The following UBE2E3 variants were observed in gnomAD, a reference collection of about 807,000 sequenced individuals.
UBE2E3 encodes ubiquitin-conjugating enzyme E2 E3.
UBE2E3 carries 5 observed loss-of-function variants against 23.6 expected under a neutral mutation model. The observed-to-expected ratio is 0.21, with a 90% CI of 0.11 to 0.44. The LOEUF is 0.44. Among genes scored for constraint, UBE2E3 ranks in the 20% least tolerant of loss-of-function variants. The pLI is 0.99. For missense variants in UBE2E3, 81 were observed against 249.8 expected, an observed-to-expected ratio of 0.32 and a Z score of 4.55; for synonymous variants, 78 against 87.5, an observed-to-expected ratio of 0.89 and a Z score of 0.60.
intron 3 of UBE2E3, among the ~76,000 whole-genome samples, chr2:181,030,207 G>A (rs558570044): frequency 6.6e-6 from 1 of 151,824 alleles, no homozygotes; most frequent in Non-Finnish European, 1.5e-5. Flanking sequence ...TCTTCATTGG[G>A]CATTAAATTT....
At chr2:181,030,928 A>G (rs1325029201) in intron 3 of UBE2E3, among the ~76,000 whole-genome samples, 1 of 152,100 alleles carries the variant, frequency 6.6e-6, no homozygotes, top group Non-Finnish European at 1.5e-5. Flanking sequence ...GTTTTTATTG[A>G]CACTATTTTG....
In UBE2E3 at chr2:181,010,642, T is replaced by C. The variant is rs72883585; in HGVS notation, c.245+26549T>C. 4.2e-3 allele frequency among the ~76,000 whole-genome samples: 642 copies of C among 152,324 alleles called. 2 individuals carry two copies. The highest frequency in any genetic ancestry group is 7.5e-3 in the Non-Finnish European group (511 of 68,028). ...CAGAATTTTTCCAAATGTCATCTTA[T>C]ACTTTACTTTTTCTACATTTGTATA... On this transcript the variant is annotated intron_variant, in intron 3 of 5. Coordinates refer to ENST00000410062, the MANE Select transcript of UBE2E3 (RefSeq NM_006357.4).
chr2:181,025,343 G>A (rs1172301315), intron 3 of UBE2E3, among the ~76,000 whole-genome samples: 3 of 151,806 alleles, frequency 2.0e-5, no homozygotes, highest in Non-Finnish European at 4.4e-5. Flanking sequence ...TTACCACTAT[G>A]CAAATAAATG....
chr2:181,036,300 G>T (rs529124055), intron 3 of UBE2E3, among the ~76,000 whole-genome samples: 3 of 152,300 alleles, frequency 2.0e-5, no homozygotes, highest in African/African-American at 7.2e-5. Flanking sequence ...GAAATGCCAA[G>T]GTAATTCAGT....
intron 3 of UBE2E3, among the ~76,000 whole-genome samples, chr2:181,009,351 T>G (rs900693796): frequency 6.6e-6 from 1 of 152,140 alleles, no homozygotes; most frequent in African/African-American, 2.4e-5. Context: ...TTTGTTTATT[T>G]TGGCATATAC....
At chr2:181,002,836 C>CT (rs1685028745) in intron 3 of UBE2E3, among the ~76,000 whole-genome samples, 1 of 152,186 alleles carries the variant, frequency 6.6e-6, no homozygotes, top group African/African-American at 2.4e-5. Flanking sequence ...CCTCTTACCT[C>CT]TTTTTATTGT....
intron 3 of UBE2E3, among the ~76,000 whole-genome samples, chr2:181,011,168 G>T (rs1241632952): frequency 6.6e-6 from 1 of 151,864 alleles, no homozygotes; most frequent in Non-Finnish European, 1.5e-5. Context: ...TTGTGTTGTT[G>T]TAATGGAATG....
chr2:180,990,104 C>A, intron 3 of UBE2E3: 1 of 998,628 alleles, frequency 1.0e-6, no homozygotes, highest in Non-Finnish European at 1.4e-6. Context: ...CATCTTCAAA[C>A]TTTTAACCTT....
At chr2:180,998,810 G>A (rs981165996) in intron 3 of UBE2E3, among the ~76,000 whole-genome samples, 2 of 152,084 alleles carry the variant, frequency 1.3e-5, no homozygotes, top group Non-Finnish European at 2.9e-5. Context: ...ATCCAAAAAG[G>A]AGTAAAACAA....
intron 3 of UBE2E3, among the ~76,000 whole-genome samples, chr2:181,047,851 C>A (rs1490089841): frequency 6.6e-6 from 1 of 152,136 alleles, no homozygotes; most frequent in Non-Finnish European, 1.5e-5. Context: ...TGCTTAAAAT[C>A]TTTTGATAGC....
intron 3 of UBE2E3, among the ~76,000 whole-genome samples, chr2:181,018,628 CT>C (rs1685574950): frequency 2.9e-5 from 4 of 139,302 alleles, no homozygotes; most frequent in African/African-American, 1.1e-4. Context: ...CATTAGTGAG[CT>C]GATTCTGAAG....
At chr2:181,049,389 G>A (rs1686761356) in intron 3 of UBE2E3, among the ~76,000 whole-genome samples, 1 of 151,970 alleles carries the variant, frequency 6.6e-6, no homozygotes, top group East Asian at 1.9e-4. Context: ...ACTGGACTTG[G>A]ATGTGTGTTT....
chr2:181,044,853 CATA>C (rs554668049), intron 3 of UBE2E3, among the ~76,000 whole-genome samples: 63 of 152,228 alleles, frequency 4.1e-4, no homozygotes, highest in Admixed American at 2.1e-3. Context: ...TATTTTATGG[CATA>C]GTAGTTATAT....
chr2:181,000,149 A>G (rs1330666495), intron 3 of UBE2E3, among the ~76,000 whole-genome samples: 1 of 152,218 alleles, frequency 6.6e-6, no homozygotes, highest in Non-Finnish European at 1.5e-5. Context: ...TTATAGTTTT[A>G]AAGTTTTGTT....
At chr2:181,036,450 GC>G (rs1394239330) in intron 3 of UBE2E3, among the ~76,000 whole-genome samples, 1 of 152,210 alleles carries the variant, frequency 6.6e-6, no homozygotes, top group East Asian at 1.9e-4. Context: ...CCTGGCAGGG[GC>G]CATTGTGTGG....
chr2:181,057,391 G>A (rs1687018523), intron 3 of UBE2E3, among the ~76,000 whole-genome samples: 1 of 151,672 alleles, frequency 6.6e-6, no homozygotes, highest in Non-Finnish European at 1.5e-5. Flanking sequence ...CAGGTTTAGA[G>A]GGGTGTGTGT....
chr2:181,060,863 T>A, intron 5 of UBE2E3, 51 bp downstream of exon 5: 1 of 21,322 alleles, frequency 4.7e-5, no homozygotes, highest in Non-Finnish European at 8.2e-5. Context: ...AACGAGTGCT[T>A]TTTTTTTTTT....
chr2:180,988,788 C>A (rs991042678), intron 3 of UBE2E3, among the ~76,000 whole-genome samples: 2 of 152,116 alleles, frequency 1.3e-5, no homozygotes, highest in Non-Finnish European at 2.9e-5. Flanking sequence ...TAAACTCTCT[C>A]ACACATGTAG....
intron 3 of UBE2E3, among the ~76,000 whole-genome samples, chr2:181,047,246 G>C (rs1313252271): frequency 6.6e-6 from 1 of 151,996 alleles, no homozygotes; most frequent in South Asian, 2.1e-4. Flanking sequence ...ACCTGTTAGA[G>C]GTCTGACATG....
Sources: gnomAD v4.1 joint callset for allele counts (sites outside exome capture counted in the v4.1 genomes callset) on GRCh38, gnomAD v4.1.1 for gene constraint, MANE v1.5 for transcripts, NCBI Gene and HGNC (gene_info 2026-07-23, HGNC 2026-07-21) for gene names.